FIRRM: variants seen among roughly 807,000 people sequenced by gnomAD.
FIRRM encodes the protein FIGNL1 interacting regulator of recombination and mitosis.
the FIRRM span, chr1:169,793,051 A>G: frequency 5.0e-6 from 8 of 1,614,078 alleles, no homozygotes; most frequent in Non-Finnish European, 5.9e-6. Context: ...TATAATCTTG[A>G]AAGTGAATTT....
At chr1:169,821,376 T>C in the FIRRM span, among the ~76,000 whole-genome samples, 1 of 152,184 alleles carries the variant, frequency 6.6e-6, no homozygotes, top group Non-Finnish European at 1.5e-5. Flanking sequence ...AAGAATAAGG[T>C]ATTTAAATTT....
the FIRRM span, among the ~76,000 whole-genome samples, chr1:169,790,898 G>T: frequency 3.9e-4 from 60 of 152,310 alleles, no homozygotes; most frequent in Non-Finnish European, 7.9e-4. Context: ...GACCAGTTTT[G>T]TGGAAGACAA....
chr1:169,798,926 C>A, the FIRRM span: 1 of 1,325,816 alleles, frequency 7.5e-7, no homozygotes, highest in South Asian at 1.3e-5. Context: ...TACTCATTGT[C>A]TCAACATTCT....
At chr1:169,811,111 C>T in the FIRRM span, among the ~76,000 whole-genome samples, 1 of 151,838 alleles carries the variant, frequency 6.6e-6, no homozygotes, top group South Asian at 2.1e-4. Context: ...CCACCCGCCT[C>T]GGCCTCCCAA....
the FIRRM span, among the ~76,000 whole-genome samples, chr1:169,818,481 A>G: frequency 1.3e-5 from 2 of 152,246 alleles, no homozygotes; most frequent in Non-Finnish European, 2.9e-5. Flanking sequence ...AATTTTACCA[A>G]TAATCTTTAA....
the FIRRM span, among the ~76,000 whole-genome samples, chr1:169,798,246 A>G: frequency 6.7e-6 from 1 of 148,674 alleles, no homozygotes; most frequent in African/African-American, 2.5e-5. Flanking sequence ...ATGTCACCGC[A>G]CTCCATCCTG....
At chr1:169,801,965 AG>A in the FIRRM span, among the ~76,000 whole-genome samples, 1 of 152,196 alleles carries the variant, frequency 6.6e-6, no homozygotes, top group African/African-American at 2.4e-5. Context: ...ATGGATGTTG[AG>A]TGTTAACAGG....
the FIRRM span, among the ~76,000 whole-genome samples, chr1:169,791,366 G>A: frequency 2.6e-5 from 4 of 152,324 alleles, no homozygotes; most frequent in African/African-American, 9.6e-5. Flanking sequence ...TTTTAATAAT[G>A]TATATAAGTA....
At chr1:169,838,030 C>T in the FIRRM span, among the ~76,000 whole-genome samples, 2 of 151,968 alleles carry the variant, frequency 1.3e-5, no homozygotes, top group Non-Finnish European at 2.9e-5. Flanking sequence ...CTCCACCTCA[C>T]GGATTCAGGC....
chr1:169,805,028 T>C, the FIRRM span, among the ~76,000 whole-genome samples: 1 of 152,232 alleles, frequency 6.6e-6, no homozygotes, highest in Non-Finnish European at 1.5e-5. Context: ...ACACACTTCA[T>C]TGATTTTATC....
chr1:169,796,563 A>G, the FIRRM span, among the ~76,000 whole-genome samples: 1 of 152,248 alleles, frequency 6.6e-6, no homozygotes, highest in African/African-American at 2.4e-5. Context: ...GTCTTGAATC[A>G]ATCCGTTTAT....
the FIRRM span, among the ~76,000 whole-genome samples, chr1:169,798,573 G>A: frequency 6.6e-6 from 1 of 151,752 alleles, no homozygotes; most frequent in Non-Finnish European, 1.5e-5. Context: ...GGCCCCGAGC[G>A]AGACCCTCTC....
the FIRRM span, chr1:169,830,588 G>A: frequency 9.4e-7 from 1 of 1,069,306 alleles, no homozygotes; most frequent in South Asian, 1.4e-5. Flanking sequence ...TGGAAATAAT[G>A]GCAGTTTTTA....
the FIRRM span, among the ~76,000 whole-genome samples, chr1:169,835,105 G>A: frequency 6.6e-6 from 1 of 152,086 alleles, no homozygotes; most frequent in South Asian, 2.1e-4. Flanking sequence ...AATGAAACTT[G>A]AAATAATTAT....
chr1:169,849,216 G>A, the FIRRM span, among the ~76,000 whole-genome samples: 1 of 152,226 alleles, frequency 6.6e-6, no homozygotes, highest in Admixed American at 6.5e-5. Flanking sequence ...CAAAGCACTG[G>A]AGATGGGAGC....
the FIRRM span, among the ~76,000 whole-genome samples, chr1:169,824,730 G>A: frequency 6.6e-6 from 1 of 152,134 alleles, no homozygotes; most frequent in Non-Finnish European, 1.5e-5. Context: ...TCTAGGGCAT[G>A]TCTCACTCTT....
chr1:169,846,888 CCT>C, the FIRRM span, among the ~76,000 whole-genome samples: 1 of 152,164 alleles, frequency 6.6e-6, no homozygotes, highest in Non-Finnish European at 1.5e-5. Context: ...TAGCTTTTCA[CCT>C]CTCTTGACTT....
the FIRRM span, among the ~76,000 whole-genome samples, chr1:169,828,708 C>G: frequency 6.6e-6 from 1 of 152,086 alleles, no homozygotes. Context: ...GCCAGCTGTC[C>G]TGGCTAATTT....
chr1:169,845,875 T>C, the FIRRM span, among the ~76,000 whole-genome samples: 1 of 152,230 alleles, frequency 6.6e-6, no homozygotes, highest in Non-Finnish European at 1.5e-5. Flanking sequence ...CTCCTCCAAA[T>C]GAATCATGAA....
Sources: gnomAD v4.1 joint callset for allele counts (sites outside exome capture counted in the v4.1 genomes callset) on GRCh38, gnomAD v4.1.1 for gene constraint, MANE v1.5 for transcripts, NCBI Gene and HGNC (gene_info 2026-07-23, HGNC 2026-07-21) for gene names.